MAPK10: variants seen among roughly 807,000 people sequenced by gnomAD.
The protein encoded by MAPK10 is mitogen-activated protein kinase 10.
In MAPK10, 25 loss-of-function variants were observed where a neutral mutation model predicts 59.3. The observed-to-expected ratio is 0.42, with a 90% CI of 0.31 to 0.59. The LOEUF is 0.59. Ranked by LOEUF, MAPK10 falls within the 20% of genes least tolerant of loss-of-function variation. MAPK10 has a pLI of 0.15. For missense variants in MAPK10, 351 were observed against 568.9 expected (o/e 0.62, Z 3.90); for synonymous variants, 190 against 200.5 (o/e 0.95, Z 0.44).
chr4:86,421,217 T>C (rs903926010), intron 1 of MAPK10, among the ~76,000 whole-genome samples: 1 of 152,222 alleles, frequency 6.6e-6, no homozygotes, highest in Non-Finnish European at 1.5e-5. Flanking sequence ...TCTATCGTTC[T>C]TTTTGCTTGT....
intron 1 of MAPK10, among the ~76,000 whole-genome samples, chr4:86,355,920 A>G (rs72663963): frequency 0.048 from 7,236 of 152,306 alleles, 233 homozygotes; most frequent in Non-Finnish European, 0.072. Context: ...TTCAGAAAGC[A>G]CATAGGGCAC....
At chr4:86,062,922 A>C (rs2045999719) in intron 11 of MAPK10, among the ~76,000 whole-genome samples, 1 of 152,196 alleles carries the variant, frequency 6.6e-6, no homozygotes, top group Non-Finnish European at 1.5e-5. Context: ...AATTAAACTC[A>C]GAAATATTTA....
chr4:86,326,370 A>C (rs919398834), intron 2 of MAPK10: 1 of 152,096 alleles, frequency 6.6e-6, no homozygotes, highest in African/African-American at 2.4e-5. Flanking sequence ...TAGAAAATTT[A>C]CTCTGATTTC....
intron 2 of MAPK10, among the ~76,000 whole-genome samples, chr4:86,294,734 A>G (rs576424793): frequency 2.0e-5 from 3 of 152,216 alleles, no homozygotes; most frequent in African/African-American, 7.2e-5. Flanking sequence ...AGGTGAGGAG[A>G]GGAGAGACCA....
At chr4:86,304,147 GAAAGTCAAT>G (rs1036247639) in intron 2 of MAPK10, among the ~76,000 whole-genome samples, 2 of 152,156 alleles carry the variant, frequency 1.3e-5, no homozygotes, top group African/African-American at 4.8e-5. Flanking sequence ...AGGAGGAAAG[GAAAGTCAAT>G]AAAGTCACGG....
intron 1 of MAPK10, among the ~76,000 whole-genome samples, chr4:86,547,480 A>T (rs1759316115): frequency 6.6e-6 from 1 of 152,178 alleles, no homozygotes; most frequent in African/African-American, 2.4e-5. Flanking sequence ...GCCGGGCCTT[A>T]GTTGCCTTCC....
chr4:86,010,476 C>T lies in MAPK10; in HGVS notation c.*6752G>A, dbSNP rs115730888. The T allele has an allele frequency of 2.5e-4, 38 of 152,152 alleles. No individual in the cohort carries two copies. The highest frequency in any genetic ancestry group is 8.7e-4 in the African/African-American group (36 of 41,508). 9.4% of individuals were successfully genotyped at this position (152,152 alleles called of 1,614,324 possible). On this transcript the variant is annotated 3_prime_UTR_variant, in exon 14 of 14. Transcript: ENST00000641462. Reference sequence around the variant, plus strand: ...ACCATGCAATATATATCTCCTACACCGAAGTGTCCAAGAAATGTTTTTGGA... The same window carrying T: ...ACCATGCAATATATATCTCCTACACTGAAGTGTCCAAGAAATGTTTTTGGA...
intron 1 of MAPK10, among the ~76,000 whole-genome samples, chr4:86,395,319 A>G (rs1272305290): frequency 6.6e-6 from 1 of 152,254 alleles, no homozygotes; most frequent in Non-Finnish European, 1.5e-5. Flanking sequence ...ATCTCTAGCT[A>G]TAAAATAAAC....
chr4:86,561,291 C>G (rs1434900567), intron 1 of MAPK10, among the ~76,000 whole-genome samples: 1 of 152,142 alleles, frequency 6.6e-6, no homozygotes, highest in South Asian at 2.1e-4. Flanking sequence ...TCCTGCAAGA[C>G]TCTGTCAGTT....
intron 1 of MAPK10, among the ~76,000 whole-genome samples, chr4:86,592,333 C>T (rs1278059306): frequency 6.7e-6 from 1 of 150,254 alleles, no homozygotes; most frequent in East Asian, 2.0e-4. Flanking sequence ...GCCTTGAGGG[C>T]AACCACCTGA....
Position 86,318,465 on chromosome 4 carries a change from C to A in MAPK10, c.-7+36065G>T, listed in dbSNP as rs189900169. Among the ~76,000 whole-genome samples the A allele has an allele frequency of 8.5e-5, 13 of 152,258 alleles. No homozygotes were observed. The East Asian group carries it at 2.3e-3, about 27-fold the overall frequency. ...TTATAAAAAATTGGCTGATTTTAGG[C>A]TCTCTTGCCCCATGCGTTTTAAAGT... On this transcript the variant is annotated intron_variant, in intron 2 of 13. Coordinates refer to ENST00000641462, the MANE Select transcript of MAPK10 (RefSeq NM_138982.4).
chr4:86,143,748 T>C (rs1352749938), intron 4 of MAPK10, among the ~76,000 whole-genome samples: 1 of 152,238 alleles, frequency 6.6e-6, no homozygotes, highest in African/African-American at 2.4e-5. Context: ...ATGAAATAGA[T>C]GTGATTCCCA....
intron 1 of MAPK10, among the ~76,000 whole-genome samples, chr4:86,433,555 C>CTT (rs574706672): frequency 2.8e-3 from 274 of 97,626 alleles, no homozygotes; most frequent in African/African-American, 3.2e-3. Flanking sequence ...GGGCCTTCTT[C>CTT]TTTTTTTTTT....
chr4:86,168,245 G>A (rs377326780), intron 3 of MAPK10, among the ~76,000 whole-genome samples: 18 of 152,314 alleles, frequency 1.2e-4, no homozygotes, highest in South Asian at 2.1e-4. Context: ...TGCACCAGCC[G>A]AAGCAGGGTG....
chr4:86,241,760 A>G lies in MAPK10; in HGVS notation c.-6-47353T>C, dbSNP rs146549775. 2.6e-3 allele frequency among the ~76,000 whole-genome samples: 402 copies of G among 152,240 alleles called. 2 individuals are homozygous for G. Among genetic ancestry groups the G allele is most frequent in the Middle Eastern group, 0.014 (4 of 294 alleles). Reference sequence around the variant, plus strand: ...TTATCAAGGTTCTTGGCTTCTTTGCATTGGGTTAGAATATGCTCCTTCAGC... The same window carrying G: ...TTATCAAGGTTCTTGGCTTCTTTGCGTTGGGTTAGAATATGCTCCTTCAGC... On this transcript the variant is annotated intron_variant, in intron 2 of 13. Transcript: ENST00000641462.
chr4:86,185,702 G>A (rs1194832090), intron 3 of MAPK10, among the ~76,000 whole-genome samples: 1 of 152,150 alleles, frequency 6.6e-6, no homozygotes, highest in Non-Finnish European at 1.5e-5. Context: ...GAGAATCAGT[G>A]AGATTCCAGT....
intron 9 of MAPK10, among the ~76,000 whole-genome samples, chr4:86,091,762 C>T (rs969466625): frequency 6.6e-6 from 1 of 151,810 alleles, no homozygotes; most frequent in Non-Finnish European, 1.5e-5. Context: ...CAACCTCTGC[C>T]CCCTGGGTTC....
rs1264718530 is a variant in MAPK10 at position 86,013,731 on chromosome 4, G to T, written c.*3497C>A. The T allele has an allele frequency of 1.3e-5, 2 of 151,914 alleles. No individual in the cohort carries two copies. The highest frequency in any genetic ancestry group is 1.3e-4 in the Admixed American group (2 of 15,240). The allele number at this position is 151,914 out of a possible 1,614,324, so 9.4% of individuals were successfully genotyped here. A position where few individuals can be genotyped will look rare whatever the true frequency, so the allele number is the denominator to read the frequency against. ...CAGTGTCTTTAGATAATATTTTTCTGATAACAGATTGAAAAAACTATCGAG... is the reference window on the plus strand; with the variant it reads ...CAGTGTCTTTAGATAATATTTTTCTTATAACAGATTGAAAAAACTATCGAG... On this transcript the variant is annotated 3_prime_UTR_variant, in exon 14 of 14. Transcript: ENST00000641462.
At chr4:86,236,585 AT>A (rs1420271807) in intron 2 of MAPK10, among the ~76,000 whole-genome samples, 1 of 152,214 alleles carries the variant, frequency 6.6e-6, no homozygotes, top group Non-Finnish European at 1.5e-5. Flanking sequence ...TTTCAAGTAT[AT>A]TTTGACAACA....
Sources: allele counts gnomAD v4.1 joint callset (sites outside exome capture counted in the v4.1 genomes callset), GRCh38; gene constraint gnomAD v4.1.1; transcripts MANE v1.5; gene names NCBI Gene and HGNC (gene_info 2026-07-23, HGNC 2026-07-21).